Variants in ITGA8 observed in about 807,000 individuals in gnomAD.
ITGA8 encodes integrin alpha-8.
Under a neutral mutation model 142.3 loss-of-function variants are expected in ITGA8, and 91 were observed. The observed-to-expected ratio is 0.64, with a 90% CI of 0.54 to 0.76. The LOEUF is 0.76. Ranked by LOEUF, ITGA8 falls within the 30% of genes least tolerant of loss-of-function variation. The pLI, the probability that ITGA8 is intolerant of heterozygous loss-of-function variation, is 0.00. For missense variants in ITGA8, 1,406 were observed against 1,327.7 expected, an observed-to-expected ratio of 1.06 and a Z score of -0.92; for synonymous variants, 505 against 485.2, an observed-to-expected ratio of 1.04 and a Z score of -0.54.
intron 11 of ITGA8, among the ~76,000 whole-genome samples, chr10:15,650,497 C>T (rs1000639719): frequency 1.3e-5 from 2 of 152,102 alleles, no homozygotes; most frequent in Non-Finnish European, 1.5e-5. Flanking sequence ...GTTCTTGCCC[C>T]CCTCAACATG....
chr10:15,719,889 CT>C lies in ITGA8; in HGVS notation c.-119del. The C allele has an allele frequency of 1.6e-5, 12 of 773,358 alleles. No homozygotes were observed. Among genetic ancestry groups the C allele is most frequent in the South Asian group, 4.9e-5 (1 of 20,480 alleles). The allele number at this position is 773,358 out of a possible 1,614,324, so 47.9% of individuals were successfully genotyped here. ...GCTGCCCGTGTCCCGGGTCGGTGCG[CT>C]CGGCGCACCCGTGGTGACAGTGCCC... On this transcript the variant is annotated 5_prime_UTR_variant, in exon 1 of 30. Transcript: ENST00000378076.
At chr10:15,635,034 G>C (rs1833749460) in intron 13 of ITGA8, among the ~76,000 whole-genome samples, 1 of 124,280 alleles carries the variant, frequency 8.0e-6, no homozygotes, top group African/African-American at 3.1e-5. Flanking sequence ...TGGAGATGGA[G>C]TTTTGCTCTG....
At chr10:15,615,109 T>C (rs1449174048) in intron 14 of ITGA8, among the ~76,000 whole-genome samples, 3 of 152,174 alleles carry the variant, frequency 2.0e-5, no homozygotes, top group African/African-American at 7.2e-5. Context: ...TTGTGTCCGC[T>C]AATTGGCTGG....
At chr10:15,688,654 T>C (rs1834877484) in intron 2 of ITGA8, among the ~76,000 whole-genome samples, 1 of 152,204 alleles carries the variant, frequency 6.6e-6, no homozygotes. Flanking sequence ...ATTGATCATG[T>C]TCAAGTGGGA....
chr10:15,545,684 GTT>G (rs35907315), intron 27 of ITGA8, among the ~76,000 whole-genome samples: 23 of 149,316 alleles, frequency 1.5e-4, no homozygotes, highest in South Asian at 8.5e-4. Flanking sequence ...TAGTTTGCCT[GTT>G]TTTTTTTTTA....
chr10:15,604,404 T>A, intron 19 of ITGA8, 49 bp from the exon 20 acceptor site: 1 of 1,457,988 alleles, frequency 6.9e-7, no homozygotes, highest in Non-Finnish European at 9.3e-7. Flanking sequence ...CTTCTTGGCT[T>A]CGTGAATATT....
chr10:15,575,474 A>G lies in ITGA8; in HGVS notation c.2478+15T>C, dbSNP rs1834269341. 2 of 1,575,608 alleles carry G rather than the reference A, an allele frequency of 1.3e-6. No individual in the cohort carries two copies. Among genetic ancestry groups the G allele is most frequent in the East Asian group, 4.5e-5 (2 of 44,666 alleles). ...AATAAACCCCTAACACAACTTTAAC[A>G]CAGACAATGGCTACCTCATAAATAT... On this transcript the variant is annotated intron_variant, in intron 24 of 29. Coordinates refer to ENST00000378076, the MANE Select transcript of ITGA8 (RefSeq NM_003638.3).
intron 2 of ITGA8, among the ~76,000 whole-genome samples, chr10:15,692,081 G>A (rs1052849706): frequency 1.3e-5 from 2 of 152,002 alleles, no homozygotes; most frequent in African/African-American, 2.4e-5. Flanking sequence ...GGAAATACGG[G>A]TGCATGCCAC....
chr10:15,562,923 T>C (rs1834009555), intron 25 of ITGA8, among the ~76,000 whole-genome samples: 1 of 152,084 alleles, frequency 6.6e-6, no homozygotes. Context: ...AGGTGGGGCC[T>C]GGTGGGAGAT....
intron 11 of ITGA8, among the ~76,000 whole-genome samples, chr10:15,653,879 G>C (rs1267092230): frequency 1.3e-5 from 2 of 150,970 alleles, no homozygotes; most frequent in Admixed American, 1.3e-4. Context: ...CTGTTGCCCA[G>C]GCTGGAGTGC....
In ITGA8 at chr10:15,548,502, C is replaced by T. The variant is rs200149085; in HGVS notation, c.2833G>A (p.Ala945Thr). The T allele has an allele frequency of 5.7e-5, 92 of 1,601,314 alleles. 1 individual carries two copies. The highest frequency in any genetic ancestry group is 4.1e-4 in the African/African-American group (30 of 73,998). ...AVGRLEGGESAVLKVRSRLWA... is the reference protein window; with the variant it reads ...AVGRLEGGESTVLKVRSRLWA... ...AATCGTGACCTGACTTTCAGGACTG[C>T]GCTTTCTCCTCCTTCGAGTCGTCCC... is the stretch of plus-strand genomic sequence containing the variant. Residue 945 changes from alanine to threonine, a missense_variant, in exon 27 of 30, where the codon GCA becomes ACA. Transcript: ENST00000378076.
At position 15,613,680 on chromosome 10, in the gene ITGA8, G is replaced by T. The variant is rs1363462184; in HGVS notation, c.1533C>A (p.Asp511Glu). The change falls in exon 15 of 30, where the codon GAC becomes GAA. Residue 511 changes from aspartate (D) to glutamate (E), a missense_variant. Asp to Glu is a conservative substitution (Grantham distance 45). Transcript: ENST00000378076. ...NLENKTCQVP[D>E]SMTSAACFSL... Reference sequence around the variant, plus strand: ...CTCACCAGGCAGCAGATGTCATAGAGTCTGGAACCTGGCAAGTTTTATTTT... The same window carrying T: ...CTCACCAGGCAGCAGATGTCATAGATTCTGGAACCTGGCAAGTTTTATTTT... 6.2e-7 allele frequency: 1 copy of T among 1,612,962 alleles called. No homozygotes were observed. Among genetic ancestry groups the T allele is most frequent in the Admixed American group, 1.7e-5 (1 of 60,000 alleles).
Position 15,523,786 on chromosome 10 carries a change from TGTG to T in ITGA8, c.2983-4377_2983-4375del, listed in dbSNP as rs555184520. Among the ~76,000 whole-genome samples, 92 of 146,928 alleles carry T rather than the reference TGTG, an allele frequency of 6.3e-4. 1 individual carries two copies. In the South Asian group the frequency reaches 0.018, roughly 29 times the overall value. The stretch of plus-strand genomic sequence containing the variant: ...AAAAAAAAAAAAAAAATTAGACAGT[TGTG>T]GTGGTGGTGGTGCATACCTGTAGTC... On this transcript the variant is annotated intron_variant, in intron 28 of 29. Coordinates refer to ENST00000378076, the MANE Select transcript of ITGA8 (RefSeq NM_003638.3).
At chr10:15,599,483 C>G (rs1337230388) in intron 20 of ITGA8, among the ~76,000 whole-genome samples, 1 of 152,028 alleles carries the variant, frequency 6.6e-6, no homozygotes, top group African/African-American at 2.4e-5. Context: ...TGGAAACACA[C>G]AATTGCAGCA....
At chr10:15,646,197 A>G (rs940387129) in intron 12 of ITGA8, among the ~76,000 whole-genome samples, 1 of 152,202 alleles carries the variant, frequency 6.6e-6, no homozygotes, top group African/African-American at 2.4e-5. Flanking sequence ...AGCAATGACG[A>G]TTTTTGTATT....
rs145157492 is a variant in ITGA8 at position 15,719,601 on chromosome 10, G to A, written c.171C>T (p.Phe57=). The A allele has an allele frequency of 8.4e-5, 131 of 1,562,404 alleles. No homozygotes were observed. In the African/African-American group the frequency reaches 1.6e-3, roughly 19 times the overall value. ...TVYSGPKGSY[F]GYAVDFHIPD... ...GTATGTGGAAGTCCACGGCGTAGCC[G>A]AAGTAGCTGCCCTTGGGGCCGCTGT... is the stretch of plus-strand genomic sequence containing the variant. Residue 57 remains phenylalanine, a synonymous_variant, in exon 1 of 30, where the codon TTC becomes TTT. Coordinates refer to ENST00000378076, the MANE Select transcript of ITGA8 (RefSeq NM_003638.3).
In ITGA8 at chr10:15,659,913, G is replaced by A. The variant is rs540298599; in HGVS notation, c.892-858C>T. Reference sequence around the variant, plus strand: ...TCATAGATGCTCTGGTGAGAATATTGTCCTGCCCACAATTTGATGTCAGAC... The same window carrying A: ...TCATAGATGCTCTGGTGAGAATATTATCCTGCCCACAATTTGATGTCAGAC... On this transcript the variant is annotated intron_variant, in intron 9 of 29. Transcript: ENST00000378076. Among the ~76,000 whole-genome samples, 4 of 152,306 alleles carry A rather than the reference G, an allele frequency of 2.6e-5. No homozygotes were observed. In the South Asian group the frequency reaches 8.3e-4, roughly 32 times the overall value.
At chr10:15,560,085 C>T (rs1403511077) in intron 25 of ITGA8, among the ~76,000 whole-genome samples, 1 of 151,920 alleles carries the variant, frequency 6.6e-6, no homozygotes, top group Admixed American at 6.6e-5. Flanking sequence ...GTGTTTGAGA[C>T]CAGACTGGGC....
At chr10:15,667,256 T>G (rs1183426066) in intron 8 of ITGA8, among the ~76,000 whole-genome samples, 1 of 152,216 alleles carries the variant, frequency 6.6e-6, no homozygotes, top group Non-Finnish European at 1.5e-5. Flanking sequence ...GGATGATGTA[T>G]GTGTTGAGGA....
Sources: allele counts gnomAD v4.1 joint callset (sites outside exome capture counted in the v4.1 genomes callset), GRCh38; gene constraint gnomAD v4.1.1; transcripts MANE v1.5; gene names NCBI Gene and HGNC (gene_info 2026-07-23, HGNC 2026-07-21).